The following PRKCA variants were observed in gnomAD, a reference collection of about 807,000 sequenced individuals.
PRKCA encodes protein kinase C alpha.
PRKCA carries 27 observed loss-of-function variants against 87.0 expected under a neutral mutation model. The ratio of observed to expected loss-of-function variants is 0.31; its 90% CI spans 0.23 to 0.43. The LOEUF is 0.43. PRKCA is among the 20% of genes least tolerant of loss of function. The pLI, the probability that PRKCA is intolerant of heterozygous loss-of-function variation, is 1.00. For synonymous variants in PRKCA, 329 were observed against 311.1 expected (o/e 1.06, Z -0.61); for missense variants, 518 against 852.3 (o/e 0.61, Z 4.88).
At chr17:66,609,236 G>A (rs1200050154) in intron 3 of PRKCA, among the ~76,000 whole-genome samples, 1 of 152,064 alleles carries the variant, frequency 6.6e-6, no homozygotes, top group Non-Finnish European at 1.5e-5. Flanking sequence ...ATTTTTCTAA[G>A]ATCCTTTTAA....
intron 8 of PRKCA, among the ~76,000 whole-genome samples, chr17:66,718,598 C>T (rs1338579905): frequency 1.3e-5 from 2 of 152,180 alleles, no homozygotes; most frequent in Non-Finnish European, 2.9e-5. Flanking sequence ...GGATTAGAGG[C>T]ATCAGCCTGG....
chr17:66,454,322 G>T (rs1286819377), intron 2 of PRKCA, among the ~76,000 whole-genome samples: 2 of 152,222 alleles, frequency 1.3e-5, no homozygotes, highest in East Asian at 3.8e-4. Context: ...ACAAATGCAG[G>T]CTGGACCTGG....
At chr17:66,304,320 C>A (rs549389348) in intron 1 of PRKCA, among the ~76,000 whole-genome samples, 1 of 152,322 alleles carries the variant, frequency 6.6e-6, no homozygotes, top group Admixed American at 6.5e-5. Flanking sequence ...CCCGTCACCA[C>A]ACAAAAGTTT....
intron 13 of PRKCA, among the ~76,000 whole-genome samples, chr17:66,767,400 T>G (rs746660643): frequency 3.9e-5 from 6 of 152,162 alleles, no homozygotes; most frequent in Non-Finnish European, 7.4e-5. Context: ...CATCATCAGA[T>G]TACACAAGAT....
chr17:66,452,733 G>A (rs560902904), intron 2 of PRKCA, among the ~76,000 whole-genome samples: 4 of 152,212 alleles, frequency 2.6e-5, no homozygotes, highest in South Asian at 2.1e-4. Context: ...GCGTGGTGGC[G>A]GGTGCCTGTA....
At chr17:66,409,971 T>G (rs1911678141) in intron 2 of PRKCA, among the ~76,000 whole-genome samples, 1 of 152,240 alleles carries the variant, frequency 6.6e-6, no homozygotes, top group African/African-American at 2.4e-5. Flanking sequence ...TAGTAGATCG[T>G]GCTGGTCTGT....
chr17:66,309,414 C>T (rs1904983515), intron 2 of PRKCA, among the ~76,000 whole-genome samples: 2 of 152,124 alleles, frequency 1.3e-5, no homozygotes, highest in African/African-American at 2.4e-5. Context: ...GACTTATTGG[C>T]TTATTCTCAT....
intron 2 of PRKCA, among the ~76,000 whole-genome samples, chr17:66,377,899 A>G (rs1158453544): frequency 1.3e-5 from 2 of 151,468 alleles, no homozygotes; most frequent in Non-Finnish European, 1.5e-5. Flanking sequence ...GGGATTAGGC[A>G]TGAGCCCCTA....
At chr17:66,481,978 G>A (rs1310298179) in intron 2 of PRKCA, among the ~76,000 whole-genome samples, 2 of 151,422 alleles carry the variant, frequency 1.3e-5, no homozygotes, top group East Asian at 3.9e-4. Flanking sequence ...GTGGGCACCT[G>A]TAATCCCAGC....
intron 3 of PRKCA, among the ~76,000 whole-genome samples, chr17:66,544,577 A>G (rs1225213366): frequency 6.6e-6 from 1 of 152,186 alleles, no homozygotes; most frequent in Non-Finnish European, 1.5e-5. Context: ...CTTTATTCAA[A>G]GAAAGAATTA....
At chr17:66,771,689 G>A (rs1201493784) in intron 13 of PRKCA, among the ~76,000 whole-genome samples, 1 of 151,922 alleles carries the variant, frequency 6.6e-6, no homozygotes, top group Non-Finnish European at 1.5e-5. Flanking sequence ...TCCACCTCCC[G>A]GGTTCAAGCG....
At chr17:66,512,891 C>G (rs2144181016) in intron 3 of PRKCA, among the ~76,000 whole-genome samples, 1 of 152,252 alleles carries the variant, frequency 6.6e-6, no homozygotes, top group Admixed American at 6.5e-5. Context: ...CAGGGTTTCA[C>G]CATGTTGGCC....
chr17:66,653,522 T>A (rs778747831), intron 5 of PRKCA, among the ~76,000 whole-genome samples: 9 of 152,040 alleles, frequency 5.9e-5, no homozygotes, highest in Non-Finnish European at 1.2e-4. Flanking sequence ...ACCCAGGAGT[T>A]CGAGGTAACA....
chr17:66,576,825 C>A (rs1969250061), intron 3 of PRKCA, among the ~76,000 whole-genome samples: 1 of 150,380 alleles, frequency 6.6e-6, no homozygotes, highest in East Asian at 2.0e-4. Flanking sequence ...CGCTGTCTCT[C>A]ATTTCTGTTC....
chr17:66,787,783 C>T (rs73994619), intron 15 of PRKCA, among the ~76,000 whole-genome samples: 6,577 of 152,180 alleles, frequency 0.043, 492 homozygotes, highest in African/African-American at 0.15. Context: ...GAACTCTGCA[C>T]AAACTGAACC....
intron 2 of PRKCA, among the ~76,000 whole-genome samples, chr17:66,385,874 C>T (rs1910032629): frequency 6.6e-6 from 1 of 152,192 alleles, no homozygotes; most frequent in African/African-American, 2.4e-5. Flanking sequence ...TCTCCTGCCT[C>T]AGCCTCCCAA....
chr17:66,641,184 T>G (rs998097416), intron 3 of PRKCA, among the ~76,000 whole-genome samples, 171 bp from the exon 4 acceptor site: 1 of 113,842 alleles, frequency 8.8e-6, no homozygotes, highest in African/African-American at 2.6e-5. Flanking sequence ...ATCTAAAATA[T>G]TTAGTGGCGA....
chr17:66,579,955 ACTCT>A (rs1233216821), intron 3 of PRKCA, among the ~76,000 whole-genome samples: 13 of 151,304 alleles, frequency 8.6e-5, no homozygotes, highest in Admixed American at 8.6e-4. Flanking sequence ...TGCAGGTGTC[ACTCT>A]CTCTCCTCGG....
intron 2 of PRKCA, among the ~76,000 whole-genome samples, chr17:66,369,195 G>A (rs1376411555): frequency 6.6e-6 from 1 of 152,174 alleles, no homozygotes; most frequent in East Asian, 1.9e-4. Flanking sequence ...TAAAGTCCTG[G>A]AGTTTCATCA....
Sources: allele counts gnomAD v4.1 joint callset (sites outside exome capture counted in the v4.1 genomes callset), GRCh38; gene constraint gnomAD v4.1.1; transcripts MANE v1.5; gene names NCBI Gene and HGNC (gene_info 2026-07-23, HGNC 2026-07-21).